ITIH5: variants seen among roughly 807,000 people sequenced by gnomAD.
ITIH5 encodes the protein inter-alpha-trypsin inhibitor heavy chain H5.
A neutral mutation model predicts 77.5 loss-of-function variants in ITIH5; 65 were observed. That is an observed-to-expected ratio of 0.84 (90% CI 0.69 to 1.03). The LOEUF (loss-of-function observed/expected upper bound fraction) is 1.03, where lower values mean the gene tolerates loss of function less well. ITIH5 is among the 50% of genes least tolerant of loss of function. The pLI is 0.00. For synonymous variants in ITIH5, 525 were observed against 494.3 expected (o/e 1.06, Z -0.82); for missense variants, 1,208 against 1,213.1 (o/e 1.00, Z 0.06).
chr10:7,591,580 C>T (rs890804835), intron 7 of ITIH5, among the ~76,000 whole-genome samples: 6 of 152,196 alleles, frequency 3.9e-5, no homozygotes, highest in African/African-American at 1.4e-4. Context: ...TTTCCCTCCC[C>T]AAGACCCTTG....
intron 1 of ITIH5, among the ~76,000 whole-genome samples, chr10:7,658,458 CTG>C (rs1246550510): frequency 6.6e-6 from 1 of 152,174 alleles, no homozygotes; most frequent in East Asian, 1.9e-4. Flanking sequence ...GAGTCAAACT[CTG>C]TAAAATATTT....
intron 7 of ITIH5, among the ~76,000 whole-genome samples, chr10:7,604,612 C>T (rs1833084775): frequency 6.6e-6 from 1 of 152,180 alleles, no homozygotes; most frequent in Non-Finnish European, 1.5e-5. Context: ...TGACCCAAAC[C>T]TTCACACTAT....
chr10:7,622,086 C>G (rs1046015072), intron 5 of ITIH5: 6 of 152,190 alleles, frequency 3.9e-5, no homozygotes, highest in Non-Finnish European at 8.8e-5. Flanking sequence ...TTGGTGATCC[C>G]ATGCAAGACA....
intron 6 of ITIH5, 81 bp downstream of exon 6, chr10:7,617,032 A>T: frequency 1.2e-6 from 1 of 810,410 alleles, no homozygotes; most frequent in Non-Finnish European, 1.8e-6. Context: ...TCTCTCCCTT[A>T]GGTAAATATT....
Position 7,576,732 on chromosome 10 carries a change from C to G in ITIH5, c.1699G>C (p.Glu567Gln). 1 of 1,614,004 alleles carries G rather than the reference C, an allele frequency of 6.2e-7. No individual in the cohort carries two copies. The highest frequency in any genetic ancestry group is 8.5e-7 in the Non-Finnish European group (1 of 1,179,988). Residue 567 changes from glutamate (E) to glutamine (Q), a missense_variant, in exon 10 of 14, where the codon GAG (glutamate) becomes CAG (glutamine). Physicochemically the swap from Glu to Gln is conservative, Grantham distance 29 (BLOSUM62 2). Coordinates refer to ENST00000397146, the MANE Select transcript of ITIH5 (RefSeq NM_030569.7). ...TGSPRPGGDG[E>Q]GDTNHIERLW... is the part of the protein sequence containing the mutation. Reference sequence around the variant, plus strand: ...CGCTCGATGTGGTTGGTGTCCCCCTCTCCATCGCCTCCAGGCCTGGGGCTT... The same window carrying G: ...CGCTCGATGTGGTTGGTGTCCCCCTGTCCATCGCCTCCAGGCCTGGGGCTT...
rs185747397 is a variant in ITIH5, at chr10:7,604,619, C to T, written c.939+11363G>A. Among the ~76,000 whole-genome samples the T allele has an allele frequency of 3.4e-3, 525 of 152,308 alleles. 2 individuals carry two copies. The highest frequency in any genetic ancestry group is 0.012 in the African/African-American group (506 of 41,556). Reference sequence around the variant, plus strand: ...CCAAAACATGACCCAAACCTTCACACTATAGCATATTCAGCCTTCTTTCAT... The same window carrying T: ...CCAAAACATGACCCAAACCTTCACATTATAGCATATTCAGCCTTCTTTCAT... On this transcript the variant is annotated intron_variant, in intron 7 of 13. Transcript: ENST00000397146.
chr10:7,653,887 G>A (rs982641629), intron 2 of ITIH5, among the ~76,000 whole-genome samples: 1 of 152,182 alleles, frequency 6.6e-6, no homozygotes, highest in African/African-American at 2.4e-5. Context: ...AGATGCAGTG[G>A]CTCACGCCTG....
chr10:7,658,936 G>A (rs569899659), intron 1 of ITIH5, among the ~76,000 whole-genome samples: 13 of 152,272 alleles, frequency 8.5e-5, no homozygotes, highest in African/African-American at 1.7e-4. Flanking sequence ...CCCACTTCCC[G>A]TGACGGTCTG....
At position 7,637,436 on chromosome 10, in the gene ITIH5, G is replaced by A; in HGVS notation, c.444C>T (p.Pro148=). ...GGAAAAAGGCGGCTTTGTCCTTGCT[G>A]GGAATCACTGCAGAAGCTCTGAATA... is the stretch of plus-strand genomic sequence containing the variant. ...TEIFRASAVI[P]SKDKAAFFLS... Residue 148 remains proline (P), a synonymous_variant, in exon 5 of 14, where the codon CCC becomes CCT. Transcript: ENST00000397146. 6.2e-7 allele frequency: 1 copy of A among 1,613,948 alleles called. No individual in the cohort carries two copies. Among genetic ancestry groups the A allele is most frequent in the African/African-American group, 1.3e-5 (1 of 75,036 alleles).
Position 7,655,568 on chromosome 10 carries a change from T to C in ITIH5, c.135+63A>G, listed in dbSNP as rs74800999. 2,494 of 1,344,230 alleles carry C rather than the reference T, an allele frequency of 1.9e-3. 41 individuals carry two copies. In the African/African-American group the frequency reaches 0.032, roughly 17 times the overall value. 83.3% of individuals were successfully genotyped at this position (1,344,230 alleles called of 1,614,324 possible). On this transcript the variant is annotated intron_variant, in intron 2 of 13. Coordinates refer to ENST00000397146, the MANE Select transcript of ITIH5 (RefSeq NM_030569.7). The stretch of plus-strand genomic sequence containing the variant: ...AGGATCTGCAAGCAAAGTGGATACC[T>C]GGTTCAAAATAAATAGAAGAATGAG...
At chr10:7,649,694 G>A (rs117338638) in intron 2 of ITIH5, among the ~76,000 whole-genome samples, 60 of 152,276 alleles carry the variant, frequency 3.9e-4, no homozygotes, top group Admixed American at 1.3e-3. Flanking sequence ...CTAAGAACAC[G>A]GAAGACATGG....
chr10:7,617,470 CCT>C, intron 5 of ITIH5, 188 bp from the exon 6 acceptor site: 1 of 422,184 alleles, frequency 2.4e-6, no homozygotes, highest in Non-Finnish European at 4.1e-6. Flanking sequence ...TCCTCTTATG[CCT>C]CTTTTTGAAC....
In ITIH5 at chr10:7,582,912, C is replaced by T. The variant is rs931408375; in HGVS notation, c.1109-2848G>A. Among the ~76,000 whole-genome samples, 9 of 152,118 alleles carry T rather than the reference C, an allele frequency of 5.9e-5. No individual in the cohort carries two copies. The East Asian group carries it at 9.6e-4, about 16-fold the overall frequency. On this transcript the variant is annotated intron_variant, in intron 8 of 13. Transcript: ENST00000397146. ...AAAAAGAAGTTAGAAAGAATGAAGA[C>T]GATCTAGTACTTGGTAGTGCAACAG...
intron 2 of ITIH5, 118 bp from the exon 3 acceptor site, chr10:7,642,208 T>C: frequency 2.7e-6 from 2 of 750,562 alleles, no homozygotes; most frequent in Non-Finnish European, 4.3e-6. Context: ...GCCTTTGGCA[T>C]GTGATTCCAA....
intron 2 of ITIH5, among the ~76,000 whole-genome samples, chr10:7,654,624 T>C (rs1588430765): frequency 1.3e-5 from 2 of 152,234 alleles, no homozygotes; most frequent in Admixed American, 6.5e-5. Context: ...CATCTGGCCA[T>C]GTCTATCACC....
At position 7,640,148 on chromosome 10, in the gene ITIH5, CAAAAAA is replaced by C. The variant is rs56939703; in HGVS notation, c.401+600_401+605del. Among the ~76,000 whole-genome samples, 18 of 80,264 alleles carry C rather than the reference CAAAAAA, an allele frequency of 2.2e-4. No individual in the cohort carries two copies. The South Asian group carries it at 7.1e-3, about 32-fold the overall frequency. The allele number at this position is 80,264 out of a possible 152,430, so 52.7% of individuals were successfully genotyped here. ...AATATTTAGAGTTAGGGGGTAACTA[CAAAAAA>C]AAAAAAAAAAAAAAAAACTACGTAC... On this transcript the variant is annotated intron_variant, in intron 4 of 13. Transcript: ENST00000397146.
At chr10:7,650,955 T>C (rs1834089416) in intron 2 of ITIH5, among the ~76,000 whole-genome samples, 1 of 151,992 alleles carries the variant, frequency 6.6e-6, no homozygotes, top group Non-Finnish European at 1.5e-5. Flanking sequence ...ATTTTTATTT[T>C]TATACAAGAA....
intron 12 of ITIH5, chr10:7,569,041 A>C (rs1588358441): frequency 2.5e-5 from 2 of 80,378 alleles, no homozygotes; most frequent in Admixed American, 3.8e-4. Context: ...TTTGAGATAG[A>C]GTCTTGCTCT....
rs538518679 is a variant in ITIH5, at chr10:7,621,360, C to T, written c.653-4078G>A. The stretch of plus-strand genomic sequence containing the variant: ...CTGGGGATTAGAAAGTATAATTTCT[C>T]TGTCCATCATTCACTCGACTAGGCT... On this transcript the variant is annotated intron_variant, in intron 5 of 13. Transcript: ENST00000397146. 3.3e-5 allele frequency: 5 copies of T among 152,332 alleles called. No individual in the cohort carries two copies. In the South Asian group the frequency reaches 1.0e-3, roughly 32 times the overall value. 9.4% of individuals were successfully genotyped at this position (152,332 alleles called of 1,614,324 possible).
Sources: allele counts gnomAD v4.1 joint callset (sites outside exome capture counted in the v4.1 genomes callset), GRCh38; gene constraint gnomAD v4.1.1; transcripts MANE v1.5; gene names NCBI Gene and HGNC (gene_info 2026-07-23, HGNC 2026-07-21).